The following CDC5L variants were observed in gnomAD, a reference collection of about 807,000 sequenced individuals.
The protein encoded by CDC5L is cell division cycle 5 like.
CDC5L carries 18 observed loss-of-function variants against 104.1 expected under a neutral mutation model. The observed-to-expected ratio is 0.17, with a 90% CI of 0.12 to 0.26. The LOEUF is 0.26. Among genes scored for constraint, CDC5L ranks in the 10% least tolerant of loss-of-function variants. The pLI is 1.00. For missense variants in CDC5L, 673 were observed against 956.9 expected (o/e 0.70, Z 3.91); for synonymous variants, 331 against 322.7 (o/e 1.03, Z -0.28).
chr6:44,443,957 G>C lies in CDC5L; in HGVS notation c.2092-1698G>C, dbSNP rs182176850. On this transcript the variant is annotated intron_variant, in intron 14 of 15. Coordinates refer to ENST00000371477, the MANE Select transcript of CDC5L (RefSeq NM_001253.4). ...ACAACTGCCTCTCTCAGTCTTCTTAGCCTTGTGTAGCAGAAGGATCTCACC... is the reference window on the plus strand; with the variant it reads ...ACAACTGCCTCTCTCAGTCTTCTTACCCTTGTGTAGCAGAAGGATCTCACC... Among the ~76,000 whole-genome samples, 529 of 151,836 alleles carry C rather than the reference G, an allele frequency of 3.5e-3. 1 individual carries two copies. Among genetic ancestry groups the C allele is most frequent in the Non-Finnish European group, 6.2e-3 (423 of 67,952 alleles).
In CDC5L at chr6:44,392,742, C is replaced by T; in HGVS notation, c.225C>T (p.Ala75=). ...AAGAGGAAAAACTCTTGCACTTGGC[C>T]AAGTTGATGCCAACTCAGTGGAGGA... The part of the protein sequence containing the change: ...REEEEKLLHL[A]KLMPTQWRTI... Residue 75 remains alanine (A), a synonymous_variant, in exon 3 of 16, where the codon GCC becomes GCT. Transcript: ENST00000371477. The T allele has an allele frequency of 1.2e-6, 2 of 1,614,104 alleles. No individual in the cohort carries two copies. Among genetic ancestry groups the T allele is most frequent in the Non-Finnish European group, 1.7e-6 (2 of 1,180,000 alleles).
intron 5 of CDC5L, among the ~76,000 whole-genome samples, chr6:44,402,592 A>G (rs1224504925): frequency 6.6e-6 from 1 of 152,204 alleles, no homozygotes; most frequent in Non-Finnish European, 1.5e-5. Flanking sequence ...AGCTTTTCTT[A>G]TCACGAAATC....
chr6:44,437,445 G>A (rs973783166), intron 14 of CDC5L, among the ~76,000 whole-genome samples: 1 of 152,094 alleles, frequency 6.6e-6, no homozygotes, highest in African/African-American at 2.4e-5. Context: ...TGACTATATA[G>A]TTATTTGGCT....
At chr6:44,390,437 C>A in intron 2 of CDC5L, 66 bp downstream of exon 2, 1 of 956,328 alleles carries the variant, frequency 1.0e-6, no homozygotes, top group Non-Finnish European at 1.6e-6. Context: ...AAAATGTCAA[C>A]TCTGTGAACC....
At chr6:44,395,464 C>T (rs1016315916) in intron 4 of CDC5L, among the ~76,000 whole-genome samples, 1 of 152,234 alleles carries the variant, frequency 6.6e-6, no homozygotes, top group Non-Finnish European at 1.5e-5. Context: ...CATAAAATCT[C>T]TCTGAGCTTT....
intron 14 of CDC5L, 104 bp downstream of exon 14, chr6:44,430,014 T>C (rs1792603785): frequency 2.5e-6 from 2 of 809,870 alleles, no homozygotes; most frequent in Non-Finnish European, 3.9e-6. Context: ...CTGAGGTGCT[T>C]ATTGCCTTTT....
rs185586768 is a variant in CDC5L, at chr6:44,439,852, A to G, written c.2092-5803A>G. ...TGCCATTTTACTGATGGAGAAATGG[A>G]GACACATAGGTTAAATAACTTGCAT... On this transcript the variant is annotated intron_variant, in intron 14 of 15. Coordinates refer to ENST00000371477, the MANE Select transcript of CDC5L (RefSeq NM_001253.4). Among the ~76,000 whole-genome samples, 406 of 152,286 alleles carry G rather than the reference A, an allele frequency of 2.7e-3. 2 individuals are homozygous for G. Among genetic ancestry groups the G allele is most frequent in the Non-Finnish European group, 4.2e-3 (288 of 68,026 alleles).
At position 44,408,539 on chromosome 6, in the gene CDC5L, T is replaced by G. The variant is rs1418153759; in HGVS notation, c.999T>G (p.Ala333=). ...TAEESGITNS[A]SSTLLSEYNV... is the part of the protein sequence containing the mutation. ...AGGAATCTGGCATAACAAATTCTGC[T>G]TCCAGTACACTTTTGTCTGAGTACA... Residue 333 remains alanine (A), a synonymous_variant, in exon 8 of 16, where the codon GCT becomes GCG. Transcript: ENST00000371477. 1.2e-6 allele frequency: 2 copies of G among 1,614,092 alleles called. No individual in the cohort carries two copies. Among genetic ancestry groups the G allele is most frequent in the Middle Eastern group, 1.6e-4 (1 of 6,062 alleles).
In CDC5L at chr6:44,413,607, A is replaced by G. The variant is rs1791759893; in HGVS notation, c.1092+4975A>G. The stretch of plus-strand genomic sequence containing the variant: ...CATTTTATTTGTTTATTTTTGAGAC[A>G]TGGTCTTGCTCTGTTGCCCAGGCTG... On this transcript the variant is annotated intron_variant, in intron 8 of 15. Transcript: ENST00000371477. Among the ~76,000 whole-genome samples the G allele has an allele frequency of 2.0e-5, 3 of 152,230 alleles. No homozygotes were observed. In the South Asian group the frequency reaches 6.2e-4, roughly 32 times the overall value.
chr6:44,401,072 T>C (rs1210038982), intron 5 of CDC5L, among the ~76,000 whole-genome samples: 1 of 152,222 alleles, frequency 6.6e-6, no homozygotes, highest in Non-Finnish European at 1.5e-5. Flanking sequence ...CAACTTGCCT[T>C]TTACCAGAAC....
chr6:44,426,700 G>C lies in CDC5L; in HGVS notation c.1869G>C (p.Lys623Asn). 1 of 1,612,732 alleles carries C rather than the reference G, an allele frequency of 6.2e-7. No homozygotes were observed. The highest frequency in any genetic ancestry group is 2.2e-5 in the East Asian group (1 of 44,780). The stretch of plus-strand genomic sequence containing the variant: ...ATCTGGAACATAATCCTTATGAAAA[G>C]TTCTCCAAAGAAGAGCTGAAAAAGG... ...ITYLEHNPYEKFSKEELKKAQ... is the reference protein window; with the variant it reads ...ITYLEHNPYENFSKEELKKAQ... Residue 623 changes from lysine (K) to asparagine (N), a missense_variant, in exon 13 of 16, where the codon AAG (lysine) becomes AAC (asparagine). Physicochemically the swap from Lys to Asn is moderately conservative, Grantham distance 94. Around this residue, in one of 4 missense-constraint regions of CDC5L, gnomAD observed 578 missense variants for 737.0 expected, o/e 0.78. Transcript: ENST00000371477.
intron 14 of CDC5L, among the ~76,000 whole-genome samples, chr6:44,430,712 A>G (rs142742203): frequency 1.3e-4 from 19 of 151,822 alleles, no homozygotes; most frequent in African/African-American, 4.4e-4. Context: ...AGCTGGGACT[A>G]CAGGCACGCC....
At chr6:44,433,004 G>A (rs562686012) in intron 14 of CDC5L, among the ~76,000 whole-genome samples, 1 of 152,246 alleles carries the variant, frequency 6.6e-6, no homozygotes, top group African/African-American at 2.4e-5. Flanking sequence ...TAAAGTGATT[G>A]CTATTTATAG....
intron 8 of CDC5L, among the ~76,000 whole-genome samples, chr6:44,410,280 C>T (rs556438259): frequency 6.6e-6 from 1 of 152,220 alleles, no homozygotes; most frequent in Admixed American, 6.5e-5. Flanking sequence ...GTGAGTTTGA[C>T]TTTTTTAGAT....
chr6:44,398,705 G>A (rs1020577993), intron 5 of CDC5L, among the ~76,000 whole-genome samples: 2 of 152,054 alleles, frequency 1.3e-5, no homozygotes, highest in Non-Finnish European at 2.9e-5. Context: ...TATTCATTTA[G>A]CATTATTGTG....
At chr6:44,415,101 A>AT (rs1791849287) in intron 8 of CDC5L, among the ~76,000 whole-genome samples, 1 of 152,126 alleles carries the variant, frequency 6.6e-6, no homozygotes, top group East Asian at 1.9e-4. Flanking sequence ...GTAAGGGTTT[A>AT]TTTCTGGACT....
intron 3 of CDC5L, 34 bp from the exon 4 acceptor site, chr6:44,393,412 G>A: frequency 6.2e-7 from 1 of 1,603,056 alleles, no homozygotes; most frequent in Non-Finnish European, 8.5e-7. Flanking sequence ...AAATGGTACT[G>A]TAGTGTGACT....
chr6:44,392,776 C>G lies in CDC5L; in HGVS notation c.259C>G (p.Pro87Ala). Residue 87 changes from proline (P) to alanine (A), a missense_variant, in exon 3 of 16, where the codon CCA becomes GCA. Transcript: ENST00000371477. Reference sequence around the variant, plus strand: ...GCCAACTCAGTGGAGGACCATTGCTCCAATCATTGGAAGAACAGCGGCCCA... The same window carrying G: ...GCCAACTCAGTGGAGGACCATTGCTGCAATCATTGGAAGAACAGCGGCCCA... ...LMPTQWRTIA[P>A]IIGRTAAQCL... 6.2e-7 allele frequency: 1 copy of G among 1,614,138 alleles called. No homozygotes were observed. Among genetic ancestry groups the G allele is most frequent in the Non-Finnish European group, 8.5e-7 (1 of 1,179,994 alleles).
chr6:44,401,068 G>A (rs778375932), intron 5 of CDC5L, among the ~76,000 whole-genome samples: 3 of 152,126 alleles, frequency 2.0e-5, no homozygotes, highest in Non-Finnish European at 4.4e-5. Flanking sequence ...TTCCCAACTT[G>A]CCTTTTACCA....
Sources: gnomAD v4.1 joint callset for allele counts (sites outside exome capture counted in the v4.1 genomes callset) on GRCh38, gnomAD v4.1.1 for gene constraint, gnomAD v4.1.1 regional missense constraint, MANE v1.5 for transcripts, NCBI Gene and HGNC (gene_info 2026-07-23, HGNC 2026-07-21) for gene names.